SH2B1: variants seen among roughly 807,000 people sequenced by gnomAD.
SH2B1 encodes the protein SH2B adaptor protein 1.
In SH2B1, 15 loss-of-function variants were observed where a neutral mutation model predicts 62.6. The observed-to-expected ratio is 0.24, with a 90% CI of 0.16 to 0.37. SH2B1 has a LOEUF of 0.37. SH2B1 is among the 10% of genes least tolerant of loss of function. The pLI is 1.00. For synonymous variants in SH2B1, 443 were observed against 438.0 expected (o/e 1.01, Z -0.14); for missense variants, 925 against 1,015.6 (o/e 0.91, Z 1.21).
At chr16:28,863,548 C>T (rs931649407), upstream of SH2B1, 4 of 854,696 alleles carry the variant, frequency 4.7e-6, no homozygotes, top group Non-Finnish European at 7.1e-6. Flanking sequence ...GGCCCTGGGA[C>T]TCTATCCCCT....
intron 1 of SH2B1, among the ~76,000 whole-genome samples, chr16:28,852,935 T>C (rs1164933147): frequency 2.4e-5 from 2 of 82,380 alleles, no homozygotes; most frequent in African/African-American, 4.9e-5. Flanking sequence ...TTTTTATATA[T>C]ATGTACATAT....
rs572507035 is a variant in SH2B1 at position 28,873,631 on chromosome 16, C to T, written c.2082C>T (p.Pro694=). 1.4e-5 allele frequency: 21 copies of T among 1,538,304 alleles called. No homozygotes were observed. Among genetic ancestry groups the T allele is most frequent in the African/African-American group, 2.8e-5 (2 of 72,574 alleles). ...GGGGVPEELV[P]VVELVPVVEL... Reference sequence around the variant, plus strand: ...GAGGGGTCCCGGAAGAGCTGGTCCCCGTGGTTGAGCTGGTCCCCGTGGTTG... The same window carrying T: ...GAGGGGTCCCGGAAGAGCTGGTCCCTGTGGTTGAGCTGGTCCCCGTGGTTG... The change falls in exon 8 of 8, where the codon CCC becomes CCT. Residue 694 remains proline (P), a synonymous_variant. Transcript: ENST00000684370. This position sits in a 1 kb window ranked among gnomAD's most constrained non-coding sequence, Gnocchi z 4.2.
chr16:28,867,228 C>T, intron 1 of SH2B1, 103 bp from the exon 2 acceptor site: 1 of 1,245,306 alleles, frequency 8.0e-7, no homozygotes, highest in Non-Finnish European at 1.2e-6. Flanking sequence ...TGCCTTTTGT[C>T]TAACTTCCCG....
chr16:28,857,268 G>A (rs1416304768), intron 1 of SH2B1, among the ~76,000 whole-genome samples: 1 of 150,512 alleles, frequency 6.6e-6, no homozygotes, highest in Non-Finnish European at 1.5e-5. Context: ...GGGCAACAGA[G>A]TGACTCTGTC....
intron 1 of SH2B1, among the ~76,000 whole-genome samples, chr16:28,856,059 G>A (rs888087157): frequency 1.3e-5 from 2 of 148,844 alleles, no homozygotes; most frequent in African/African-American, 2.5e-5. Context: ...GATGAATCAC[G>A]AGGTCAGGAG....
In SH2B1 at chr16:28,849,574, CATA is replaced by C. The variant is rs544581386; in HGVS notation, c.-301+2753_-301+2755del. 7.2e-5 allele frequency among the ~76,000 whole-genome samples: 11 copies of C among 151,972 alleles called. No individual in the cohort carries two copies. In the South Asian group the frequency reaches 8.3e-4, roughly 12 times the overall value. ...GTGTATTAGCTTGAAAAAAAACTGG[CATA>C]ATAATCAAGTTTTTAAAAAAACAGA... On this transcript the variant is annotated intron_variant, in intron 1 of 10. Coordinates refer to the SH2B1 transcript ENST00000322610.
At chr16:28,850,367 T>C (rs764146985) in intron 1 of SH2B1, among the ~76,000 whole-genome samples, 4 of 152,202 alleles carry the variant, frequency 2.6e-5, no homozygotes, top group Non-Finnish European at 5.9e-5. Context: ...GAGACCAGCC[T>C]GGGCAAAATA....
intron 1 of SH2B1, among the ~76,000 whole-genome samples, chr16:28,853,137 T>C (rs1454786662): frequency 7.6e-6 from 1 of 132,148 alleles, no homozygotes; most frequent in African/African-American, 2.8e-5. Flanking sequence ...TGTATACATT[T>C]ATATAAATAT....
At chr16:28,867,242 A>G in intron 1 of SH2B1, 89 bp from the exon 2 acceptor site, 1 of 1,259,972 alleles carries the variant, frequency 7.9e-7, no homozygotes, top group Non-Finnish European at 1.2e-6. Context: ...CTTCCCGAGG[A>G]TGTAGAAGGA....
At position 28,852,993 on chromosome 16, in the gene SH2B1, CAT is replaced by C. The variant is rs1218891112; in HGVS notation, c.-301+6173_-301+6174del. Among the ~76,000 whole-genome samples, 2 of 31,654 alleles carry C rather than the reference CAT, an allele frequency of 6.3e-5. 1 individual carries two copies. The highest frequency in any genetic ancestry group is 1.2e-4 in the Non-Finnish European group (2 of 16,760). 20.8% of individuals were successfully genotyped at this position (31,654 alleles called of 152,430 possible). A position where few individuals can be genotyped will look rare whatever the true frequency, so the allele number is the denominator to read the frequency against. On this transcript the variant is annotated intron_variant, in intron 1 of 10. Coordinates refer to the SH2B1 transcript ENST00000322610. ...TATGTACATATATATTTTATATGTACATATATATGTACATATATATTTATATA... is the reference window on the plus strand; with the variant it reads ...TATGTACATATATATTTTATATGTACATATATGTACATATATATTTATATA...
intron 1 of SH2B1, among the ~76,000 whole-genome samples, chr16:28,856,669 C>A (rs1376938528): frequency 2.0e-5 from 3 of 151,774 alleles, no homozygotes; most frequent in African/African-American, 7.2e-5. Context: ...CTCTATAAAT[C>A]CTTCCTCAGA....
In SH2B1 at chr16:28,863,927, C is replaced by T; in HGVS notation, c.-2168C>T. ...CGCCGCCGCCGCCGCCGGAGCTAAC[C>T]TCGGGGACCGAGATGCAGGTGGGAC... On this transcript the variant is annotated 5_prime_UTR_variant, in exon 1 of 8. Coordinates refer to ENST00000684370, the MANE Select transcript of SH2B1 (RefSeq NM_001387430.1). 6.7e-7 allele frequency: 1 copy of T among 1,485,418 alleles called. No individual in the cohort carries two copies. Among genetic ancestry groups the T allele is most frequent in the Non-Finnish European group, 8.9e-7 (1 of 1,124,712 alleles). The allele number at this position is 1,485,418 out of a possible 1,614,324, so 92.0% of individuals were successfully genotyped here.
At position 28,852,806 on chromosome 16, in the gene SH2B1, T is replaced by TA. The variant is rs1962189490; in HGVS notation, c.-301+5979_-301+5980insA. 2.1e-4 allele frequency among the ~76,000 whole-genome samples: 12 copies of TA among 57,600 alleles called. 3 individuals are homozygous for TA. Among genetic ancestry groups the TA allele is most frequent in the Non-Finnish European group, 2.4e-4 (9 of 36,804 alleles). 37.8% of individuals were successfully genotyped at this position (57,600 alleles called of 152,430 possible). On this transcript the variant is annotated intron_variant, in intron 1 of 10. Coordinates refer to the SH2B1 transcript ENST00000322610. ...TTTACATATATATTTACATATATAT[T>TA]TACATATATTTACATATATATTTAT... is the stretch of plus-strand genomic sequence containing the variant.
rs1315624093 is a variant in SH2B1, at chr16:28,873,218, G to A, written c.1898-229G>A. The A allele has an allele frequency of 6.2e-7, 1 of 1,603,766 alleles. No homozygotes were observed. Among genetic ancestry groups the A allele is most frequent in the East Asian group, 2.2e-5 (1 of 44,634 alleles). On this transcript the variant is annotated intron_variant, in intron 7 of 7. Transcript: ENST00000684370. The surrounding 1 kb of genome is among the most constrained non-coding windows in gnomAD (Gnocchi z 4.2). ...GCGGGGGTGTGCGAGGGAGATGGATGCCACCCCGATGCCTCCTGCACCCTC... is the reference window on the plus strand; with the variant it reads ...GCGGGGGTGTGCGAGGGAGATGGATACCACCCCGATGCCTCCTGCACCCTC...
chr16:28,862,111 G>A (rs1962462855), upstream of SH2B1: 1 of 152,164 alleles, frequency 6.6e-6, no homozygotes, highest in African/African-American at 2.4e-5. Context: ...TACTGTTTAG[G>A]CCAGCTGGAG....
upstream of SH2B1, chr16:28,863,585 G>T (rs1393667809): frequency 1.7e-6 from 2 of 1,211,216 alleles, no homozygotes; most frequent in South Asian, 1.4e-5. Flanking sequence ...GGTCGACATC[G>T]CCCCTTTGTC....
intron 1 of SH2B1, among the ~76,000 whole-genome samples, chr16:28,849,055 GTTAATCAGTTCTGC>G (rs1962043972): frequency 6.6e-6 from 1 of 152,186 alleles, no homozygotes; most frequent in East Asian, 1.9e-4. Context: ...TGGCCCTCCA[GTTAATCAGTTCTGC>G]TTAGGAAAGG....
At position 28,863,893 on chromosome 16, in the gene SH2B1, A is replaced by AGCAGCC; in HGVS notation, c.-2200_-2199insAGCCGC. On this transcript the variant is annotated 5_prime_UTR_variant, in exon 1 of 8. Transcript: ENST00000684370. ...AGTGGGTGGGGGCGCAGGGAGCGGG[A>AGCAGCC]GCCGCCGCCGCCGCCGCCGCCGCCG... 6.7e-7 allele frequency: 1 copy of AGCAGCC among 1,494,088 alleles called. No homozygotes were observed. The allele number at this position is 1,494,088 out of a possible 1,614,324, so 92.6% of individuals were successfully genotyped here.
At chr16:28,857,930 G>A (rs910892646) in intron 1 of SH2B1, among the ~76,000 whole-genome samples, 1 of 151,956 alleles carries the variant, frequency 6.6e-6, no homozygotes, top group Non-Finnish European at 1.5e-5. Context: ...TAGTAGAGAG[G>A]GGGTTTCACT....
Sources: gnomAD v4.1 joint callset for allele counts (sites outside exome capture counted in the v4.1 genomes callset) on GRCh38, gnomAD v4.1.1 for gene constraint, Gnocchi (gnomAD v3.1) non-coding constraint, MANE v1.5 for transcripts, NCBI Gene and HGNC (gene_info 2026-07-23, HGNC 2026-07-21) for gene names.